The following CUL1 variants were observed in gnomAD, a reference collection of about 807,000 sequenced individuals.
The protein encoded by CUL1 is cullin 1.
CUL1 carries 24 observed loss-of-function variants against 118.0 expected under a neutral mutation model. The ratio of observed to expected loss-of-function variants is 0.20; its 90% confidence interval spans 0.15 to 0.29. The LOEUF (loss-of-function observed/expected upper bound fraction) is 0.29, where lower values mean the gene tolerates loss of function less well. Ranked by LOEUF, CUL1 falls within the 10% of genes least tolerant of loss-of-function variation. CUL1 has a pLI of 1.00. For missense variants in CUL1, 361 were observed against 933.8 expected (o/e 0.39, Z 7.99); for synonymous variants, 332 against 340.4 (o/e 0.98, Z 0.27).
intron 13 of CUL1, 67 bp from the exon 14 acceptor site, chr7:148,788,490 A>C: frequency 1.0e-6 from 1 of 983,628 alleles, no homozygotes; most frequent in Non-Finnish European, 1.6e-6. Flanking sequence ...TGATTTCTCT[A>C]AGATTCCCTT....
Position 148,766,648 on chromosome 7 carries a change from C to A in CUL1, c.877C>A (p.Gln293Lys). The change falls in exon 8 of 22, where the codon CAA becomes AAA. Residue 293 changes from glutamine to lysine, a missense_variant. This residue lies in a region of CUL1 where 169 missense variants were observed against 429.7 expected (regional missense o/e 0.39). Coordinates refer to ENST00000325222, the MANE Select transcript of CUL1 (RefSeq NM_003592.3). ...AGATGAATTAGCAAGGAAATGTGAA[C>A]AAGTCCTCATTGAAAAACACTTGGA... ...TQDELARKCE[Q>K]VLIEKHLEIF... The A allele has an allele frequency of 6.2e-7, 1 of 1,613,646 alleles. No individual in the cohort carries two copies. The highest frequency in any genetic ancestry group is 8.5e-7 in the Non-Finnish European group (1 of 1,179,722).
chr7:148,782,107 G>A (rs537966023), intron 9 of CUL1, among the ~76,000 whole-genome samples: 70 of 152,280 alleles, frequency 4.6e-4, no homozygotes, highest in African/African-American at 1.4e-3. Flanking sequence ...TGTAAATACT[G>A]TAACAGAAGG....
intron 2 of CUL1, among the ~76,000 whole-genome samples, chr7:148,737,748 G>A (rs543405604): frequency 2.0e-5 from 3 of 151,766 alleles, no homozygotes; most frequent in Admixed American, 2.0e-4. Flanking sequence ...TTACAGGTGC[G>A]TGCCACCATG....
intron 1 of CUL1, among the ~76,000 whole-genome samples, chr7:148,724,797 C>T (rs775411709): frequency 1.6e-4 from 25 of 152,096 alleles, no homozygotes; most frequent in Non-Finnish European, 1.9e-4. Flanking sequence ...ATCTCCTATA[C>T]CTGAGTACTT....
chr7:148,754,249 T>A, intron 3 of CUL1, 99 bp downstream of exon 3: 1 of 781,110 alleles, frequency 1.3e-6, no homozygotes, highest in Non-Finnish European at 2.0e-6. Flanking sequence ...CATCTGTTAC[T>A]GTTTTAGACA....
At chr7:148,713,248 A>G (rs543304671) in intron 1 of CUL1, among the ~76,000 whole-genome samples, 4 of 152,338 alleles carry the variant, frequency 2.6e-5, no homozygotes, top group Middle Eastern at 3.4e-3. Context: ...TAATTGAGTA[A>G]AAGCATTGTG....
At chr7:148,750,251 T>C (rs1256902151) in intron 2 of CUL1, among the ~76,000 whole-genome samples, 1 of 152,052 alleles carries the variant, frequency 6.6e-6, no homozygotes, top group Non-Finnish European at 1.5e-5. Flanking sequence ...GATACTCAAT[T>C]TAGTCAAAAC....
Position 148,776,530 on chromosome 7 carries a change from A to C in CUL1, c.1084-7253A>C, listed in dbSNP as rs1405376126. On this transcript the variant is annotated intron_variant, in intron 9 of 21. Coordinates refer to ENST00000325222, the MANE Select transcript of CUL1 (RefSeq NM_003592.3). ...TGGGGTTTCACTATGTTGGCTAGGCAGGTCTCAAACTCCTGACCTCAGGTG... is the reference window on the plus strand; with the variant it reads ...TGGGGTTTCACTATGTTGGCTAGGCCGGTCTCAAACTCCTGACCTCAGGTG... Among the ~76,000 whole-genome samples, 8 of 151,612 alleles carry C rather than the reference A, an allele frequency of 5.3e-5. 1 individual carries two copies. Among genetic ancestry groups the C allele is most frequent in the Admixed American group, 5.3e-4 (8 of 15,206 alleles).
intron 17 of CUL1, among the ~76,000 whole-genome samples, chr7:148,793,980 G>A (rs1801102472): frequency 6.6e-6 from 1 of 152,016 alleles, no homozygotes; most frequent in Non-Finnish European, 1.5e-5. Context: ...TTTTTGACTT[G>A]CATTTCTCTA....
chr7:148,707,407 T>A (rs1401757146), intron 1 of CUL1, among the ~76,000 whole-genome samples: 2 of 152,228 alleles, frequency 1.3e-5, no homozygotes, highest in South Asian at 2.1e-4. Context: ...ATTAAAAAAA[T>A]TTTAAAGCAT....
chr7:148,731,023 C>G (rs1033195486), intron 2 of CUL1, among the ~76,000 whole-genome samples: 1 of 152,124 alleles, frequency 6.6e-6, no homozygotes, highest in African/African-American at 2.4e-5. Context: ...CTATGTTGCC[C>G]GGGCTGTGGC....
At chr7:148,698,458 G>A (rs1797591253), upstream of CUL1, 1 of 152,324 alleles carries the variant, frequency 6.6e-6, no homozygotes. Context: ...CAAGGCGAGG[G>A]AGGCTGTAAA....
At chr7:148,708,639 T>G (rs1219815026) in intron 1 of CUL1, among the ~76,000 whole-genome samples, 1 of 152,070 alleles carries the variant, frequency 6.6e-6, no homozygotes, top group Non-Finnish European at 1.5e-5. Context: ...AACCATCCTA[T>G]CTCATCTTCA....
chr7:148,723,390 T>C (rs372198911), intron 1 of CUL1, among the ~76,000 whole-genome samples: 23 of 152,148 alleles, frequency 1.5e-4, no homozygotes, highest in African/African-American at 4.6e-4. Context: ...CTGCTTGGGA[T>C]GATTCACAAG....
At chr7:148,716,643 G>T (rs976629247) in intron 1 of CUL1, among the ~76,000 whole-genome samples, 1 of 152,046 alleles carries the variant, frequency 6.6e-6, no homozygotes, top group Non-Finnish European at 1.5e-5. Context: ...AAAGAAAAAT[G>T]TATCTACACT....
chr7:148,730,099 G>A lies in CUL1; in HGVS notation c.-24G>A, dbSNP rs766365722. On this transcript the variant is annotated 5_prime_UTR_variant, in exon 2 of 22. Coordinates refer to ENST00000325222, the MANE Select transcript of CUL1 (RefSeq NM_003592.3). ...ACTTTGAATAAGGATTGCTGCACTG[G>A]ACGACTTTAGAACATCCCTCACAAT... 3.7e-6 allele frequency: 6 copies of A among 1,607,536 alleles called. No homozygotes were observed. In the Admixed American group the frequency reaches 1.0e-4, roughly 27 times the overall value.
intron 7 of CUL1, among the ~76,000 whole-genome samples, chr7:148,765,717 A>G (rs1433884942): frequency 6.6e-6 from 1 of 152,170 alleles, no homozygotes; most frequent in African/African-American, 2.4e-5. Flanking sequence ...TACTCAGATC[A>G]CCTGAATAAT....
intron 2 of CUL1, among the ~76,000 whole-genome samples, chr7:148,730,811 C>T (rs1018293030): frequency 1.3e-5 from 2 of 152,032 alleles, no homozygotes; most frequent in Non-Finnish European, 2.9e-5. Flanking sequence ...CTGTTATGGC[C>T]CTATTTTTTT....
chr7:148,739,491 C>T lies in CUL1; in HGVS notation c.140+9229C>T, dbSNP rs75385202. On this transcript the variant is annotated intron_variant, in intron 2 of 21. Coordinates refer to ENST00000325222, the MANE Select transcript of CUL1 (RefSeq NM_003592.3). The stretch of plus-strand genomic sequence containing the variant: ...CGGGCTGCCATGTAAACTTCGTGTC[C>T]GTTGAGCACCTTTTTATATGCTCGT... Among the ~76,000 whole-genome samples, 1,465 of 152,264 alleles carry T rather than the reference C, an allele frequency of 9.6e-3. 23 individuals carry two copies. The highest frequency in any genetic ancestry group is 0.033 in the African/African-American group (1,385 of 41,556).
Sources: allele counts gnomAD v4.1 joint callset (sites outside exome capture counted in the v4.1 genomes callset), GRCh38; gene constraint gnomAD v4.1.1; regional missense constraint gnomAD v4.1.1; transcripts MANE v1.5; gene names NCBI Gene and HGNC (gene_info 2026-07-23, HGNC 2026-07-21).